Variants in TXLNB observed in about 807,000 individuals in gnomAD.
The protein encoded by TXLNB is beta-taxilin.
A neutral mutation model predicts 57.4 loss-of-function variants in TXLNB; 37 were observed. That is an observed-to-expected ratio of 0.64 (90% CI 0.50 to 0.85). TXLNB has a LOEUF of 0.85. Among genes scored for constraint, TXLNB ranks in the 40% least tolerant of loss-of-function variants. TXLNB has a pLI of 0.00. For missense variants in TXLNB, 848 were observed against 825.6 expected, an observed-to-expected ratio of 1.03 and a Z score of -0.33; for synonymous variants, 302 against 309.6, an observed-to-expected ratio of 0.98 and a Z score of 0.26.
the TXLNB span, among the ~76,000 whole-genome samples, chr6:139,164,701 G>A: frequency 1.3e-5 from 2 of 152,074 alleles, no homozygotes; most frequent in African/African-American, 4.8e-5. Flanking sequence ...TTGTAGAAAT[G>A]CCAAGACACA....
rs570696471 is a variant in TXLNB at position 139,255,429 on chromosome 6, T to C, written c.1077+135A>G. The stretch of plus-strand genomic sequence containing the variant: ...CTTGAAAATATGAATAAATGTGAAG[T>C]TGTTCTTCATTTCCAATTCCCATCC... On this transcript the variant is annotated intron_variant, in intron 7 of 9. Coordinates refer to ENST00000358430, the MANE Select transcript of TXLNB (RefSeq NM_153235.4). 31 of 721,228 alleles carry C rather than the reference T, an allele frequency of 4.3e-5. No individual in the cohort carries two copies. The East Asian group carries it at 5.7e-4, about 13-fold the overall frequency. 44.7% of individuals were successfully genotyped at this position (721,228 alleles called of 1,614,324 possible).
intron 2 of TXLNB, among the ~76,000 whole-genome samples, chr6:139,277,359 G>A (rs1204415755): frequency 6.6e-6 from 1 of 152,200 alleles, no homozygotes; most frequent in Non-Finnish European, 1.5e-5. Context: ...CAGCAACACG[G>A]AGTTGCTGGG....
At chr6:139,205,091 T>C in the TXLNB span, among the ~76,000 whole-genome samples, 1 of 152,212 alleles carries the variant, frequency 6.6e-6, no homozygotes, top group Admixed American at 6.5e-5. Flanking sequence ...ACCAGAATAC[T>C]TCCCCTGGCC....
chr6:139,279,269 T>G (rs1300116772), intron 2 of TXLNB, among the ~76,000 whole-genome samples: 1 of 152,218 alleles, frequency 6.6e-6, no homozygotes, highest in Non-Finnish European at 1.5e-5. Context: ...TTTCTGTGAC[T>G]GTGAGAAGAG....
downstream of TXLNB, among the ~76,000 whole-genome samples, chr6:139,238,854 T>G (rs957019881): frequency 6.6e-6 from 1 of 152,206 alleles, no homozygotes; most frequent in Non-Finnish European, 1.5e-5. Context: ...ACATTTTAAA[T>G]TATTTTACTT....
chr6:139,200,330 G>C, the TXLNB span, among the ~76,000 whole-genome samples: 7,631 of 152,060 alleles, frequency 0.05, 207 homozygotes, highest in African/African-American at 0.063. Context: ...TACGATCTAG[G>C]CTATATATTT....
At chr6:139,160,895 TG>T in the TXLNB span, among the ~76,000 whole-genome samples, 1 of 152,242 alleles carries the variant, frequency 6.6e-6, no homozygotes, top group Admixed American at 6.5e-5. Flanking sequence ...GTACATGAGC[TG>T]AATAGGGCAA....
At chr6:139,286,201 G>A (rs997301696) in intron 2 of TXLNB, among the ~76,000 whole-genome samples, 1 of 149,868 alleles carries the variant, frequency 6.7e-6, no homozygotes, top group Non-Finnish European at 1.5e-5. Flanking sequence ...GGTCAGAAGA[G>A]AGTACTAATA....
At chr6:139,193,840 ATTTTTTTTTTTT>A in the TXLNB span, among the ~76,000 whole-genome samples, 2 of 85,234 alleles carry the variant, frequency 2.3e-5, no homozygotes, top group Non-Finnish European at 4.3e-5. Flanking sequence ...ATATATATAT[ATTTTTTTTTTTT>A]TTTTTTTGAG....
At chr6:139,232,494 A>G in the TXLNB span, among the ~76,000 whole-genome samples, 2 of 152,218 alleles carry the variant, frequency 1.3e-5, no homozygotes, top group Admixed American at 1.3e-4. Flanking sequence ...GTCCTGTCGC[A>G]CTAGTTCTAT....
chr6:139,248,958 C>T (rs561992359), intron 7 of TXLNB, among the ~76,000 whole-genome samples: 2 of 152,250 alleles, frequency 1.3e-5, no homozygotes, highest in African/African-American at 4.8e-5. Flanking sequence ...ATATAGCATT[C>T]TAGCCAATAG....
the TXLNB span, among the ~76,000 whole-genome samples, chr6:139,312,136 C>T: frequency 6.6e-6 from 1 of 152,092 alleles, no homozygotes; most frequent in Admixed American, 6.5e-5. Flanking sequence ...AGATGATGAA[C>T]ACTACACTAT....
At chr6:139,227,971 T>G in the TXLNB span, among the ~76,000 whole-genome samples, 2 of 152,232 alleles carry the variant, frequency 1.3e-5, no homozygotes, top group Non-Finnish European at 2.9e-5. Flanking sequence ...GTGGGTTACA[T>G]GTGAGAATTC....
chr6:139,247,222 A>C (rs1021715818), intron 8 of TXLNB, among the ~76,000 whole-genome samples: 1 of 151,910 alleles, frequency 6.6e-6, no homozygotes, highest in Non-Finnish European at 1.5e-5. Flanking sequence ...ACTCGCTGCA[A>C]CCTCTGCCTC....
chr6:139,282,304 C>T (rs1425345386), intron 2 of TXLNB, among the ~76,000 whole-genome samples: 3 of 146,714 alleles, frequency 2.0e-5, no homozygotes, highest in Admixed American at 6.7e-5. Context: ...GGGCCGGGCG[C>T]GGTGGCTCAC....
intron 2 of TXLNB, among the ~76,000 whole-genome samples, chr6:139,277,997 T>C (rs1338960050): frequency 6.6e-6 from 1 of 152,224 alleles, no homozygotes; most frequent in East Asian, 1.9e-4. Flanking sequence ...ATGGGGCATA[T>C]TTGTACTAAA....
the TXLNB span, among the ~76,000 whole-genome samples, chr6:139,176,652 T>G: frequency 6.6e-6 from 1 of 152,192 alleles, no homozygotes; most frequent in Non-Finnish European, 1.5e-5. The surrounding 1 kb of genome is among the most constrained non-coding windows in gnomAD (Gnocchi z 4.5). Flanking sequence ...AGCCGCTGTC[T>G]TAAAATCCAG....
the TXLNB span, among the ~76,000 whole-genome samples, chr6:139,209,024 C>T: frequency 6.6e-6 from 1 of 152,190 alleles, no homozygotes; most frequent in African/African-American, 2.4e-5. Context: ...ATGACATGAT[C>T]GTATATCTAG....
chr6:139,260,367 T>C lies in TXLNB; in HGVS notation c.953A>G (p.Gln318Arg). Reference protein sequence around the residue: ...KLVDAKLEQAQEMMKEAEERH... With the variant: ...KLVDAKLEQAREMMKEAEERH... ...CTCCTCCGCTTCCTTCATCATTTCT[T>C]GGGCCTGCTCAAGCTTTGCATCCAC... The change falls in exon 6 of 10, where the codon CAA becomes CGA. Residue 318 changes from glutamine (Q) to arginine (R), a missense_variant. By Grantham distance (43) the Gln-to-Arg change is conservative. Transcript: ENST00000358430. 1 of 1,614,232 alleles carries C rather than the reference T, an allele frequency of 6.2e-7. No individual in the cohort carries two copies. The highest frequency in any genetic ancestry group is 8.5e-7 in the Non-Finnish European group (1 of 1,180,042).
Sources: gnomAD v4.1 joint callset for allele counts (sites outside exome capture counted in the v4.1 genomes callset) on GRCh38, gnomAD v4.1.1 for gene constraint, Gnocchi (gnomAD v3.1) non-coding constraint, MANE v1.5 for transcripts, NCBI Gene and HGNC (gene_info 2026-07-23, HGNC 2026-07-21) for gene names.